The following ALDH1A3 variants were observed in gnomAD, a reference collection of about 807,000 sequenced individuals.
ALDH1A3 encodes aldehyde dehydrogenase 1 family member A3.
Under a neutral mutation model 57.5 loss-of-function variants are expected in ALDH1A3, and 28 were observed. The ratio of observed to expected loss-of-function variants is 0.49; its 90% confidence interval spans 0.36 to 0.67. The LOEUF is 0.67. Among genes scored for constraint, ALDH1A3 ranks in the 30% least tolerant of loss-of-function variants. ALDH1A3 has a pLI of 0.00. For missense variants in ALDH1A3, 507 were observed against 669.4 expected (o/e 0.76, Z 2.68); for synonymous variants, 281 against 264.8 (o/e 1.06, Z -0.59).
Position 100,879,922 on chromosome 15 carries a change from C to T in ALDH1A3, c.15C>T (p.Asn5=), listed in dbSNP as rs2041528054. The part of the protein sequence containing the change: MATA[N]GAVENGQPDR... Reference sequence around the variant, plus strand: ...GCGGAGGAGCCATGGCCACCGCTAACGGGGCCGTGGAAAACGGGCAGCCGG... The same window carrying T: ...GCGGAGGAGCCATGGCCACCGCTAATGGGGCCGTGGAAAACGGGCAGCCGG... The change falls in exon 1 of 13, where the codon AAC becomes AAT. Residue 5 remains asparagine, a synonymous_variant. Transcript: ENST00000329841. The T allele has an allele frequency of 8.2e-6, 12 of 1,462,298 alleles. No homozygotes were observed. Among genetic ancestry groups the T allele is most frequent in the South Asian group, 1.3e-5 (1 of 76,014 alleles). 90.6% of individuals were successfully genotyped at this position (1,462,298 alleles called of 1,614,324 possible). A position where few individuals can be genotyped will look rare whatever the true frequency, so the allele number is the denominator to read the frequency against.
chr15:100,907,415 C>A, intron 11 of ALDH1A3, 137 bp downstream of exon 11: 1 of 997,910 alleles, frequency 1.0e-6, no homozygotes, highest in Non-Finnish European at 1.4e-6. Context: ...TTCCTTCCAT[C>A]CTCATGACCA....
chr15:100,881,028 C>G (rs144580779), intron 1 of ALDH1A3: 1 of 152,328 alleles, frequency 6.6e-6, no homozygotes, highest in Non-Finnish European at 1.5e-5. Context: ...CCATAGCCCC[C>G]AACTCCAGCT....
rs562733389 is a variant in ALDH1A3 at position 100,887,203 on chromosome 15, A to G, written c.205-369A>G. On this transcript the variant is annotated intron_variant, in intron 2 of 12. Transcript: ENST00000329841. This position sits in a 1 kb window ranked among gnomAD's most constrained non-coding sequence, Gnocchi z 4.6. ...TGCTGCTGCTTGCAGCCTGTCTGCCAGCGGGACAATCTGCTGTTCTCTATA... is the reference window on the plus strand; with the variant it reads ...TGCTGCTGCTTGCAGCCTGTCTGCCGGCGGGACAATCTGCTGTTCTCTATA... 2.0e-5 allele frequency among the ~76,000 whole-genome samples: 3 copies of G among 152,370 alleles called. No homozygotes were observed. The East Asian group carries it at 5.8e-4, about 29-fold the overall frequency.
chr15:100,899,507 G>A (rs2041744772), intron 8 of ALDH1A3, among the ~76,000 whole-genome samples: 1 of 152,162 alleles, frequency 6.6e-6, no homozygotes, highest in African/African-American at 2.4e-5. Context: ...TCATCAGGGC[G>A]GTGCCAGTCC....
rs142377552 is a variant in ALDH1A3, at chr15:100,898,145, G to C, written c.843G>C (p.Leu281=). 7.4e-6 allele frequency: 12 copies of C among 1,612,948 alleles called. No individual in the cohort carries two copies. The highest frequency in any genetic ancestry group is 2.2e-5 in the East Asian group (1 of 44,870). ...RSNLKRVTLE[L]GGKNPCIVCA... is the part of the protein sequence containing the mutation. ...ATCTGAAGCGGGTGACGCTGGAGCTGGGGGGGAAGAACCCCTGCATCGTGT... is the reference window on the plus strand; with the variant it reads ...ATCTGAAGCGGGTGACGCTGGAGCTCGGGGGGAAGAACCCCTGCATCGTGT... The change falls in exon 8 of 13, where the codon CTG becomes CTC. Residue 281 remains leucine (L), a synonymous_variant. Coordinates refer to ENST00000329841, the MANE Select transcript of ALDH1A3 (RefSeq NM_000693.4).
intron 9 of ALDH1A3, among the ~76,000 whole-genome samples, 193 bp from the exon 10 acceptor site, chr15:100,905,330 C>T (rs1248725687): frequency 6.6e-6 from 1 of 152,196 alleles, no homozygotes; most frequent in East Asian, 1.9e-4. Context: ...CCCATCTCTC[C>T]CCTGCTCCAA....
rs1234761672 is a variant in ALDH1A3, at chr15:100,892,937, T to C, written c.476-8T>C. 1.9e-6 allele frequency: 3 copies of C among 1,613,784 alleles called. No individual in the cohort carries two copies. Among genetic ancestry groups the C allele is most frequent in the Non-Finnish European group, 2.5e-6 (3 of 1,179,874 alleles). On this transcript the variant is annotated splice_region_variant and splice_polypyrimidine_tract_variant and intron_variant, in intron 4 of 12. Coordinates refer to ENST00000329841, the MANE Select transcript of ALDH1A3 (RefSeq NM_000693.4). ...TGTGTCCTTCCCCACCATGTAACCCTCTTCCAGATGACAACGTCGTGTGCT... is the reference window on the plus strand; with the variant it reads ...TGTGTCCTTCCCCACCATGTAACCCCCTTCCAGATGACAACGTCGTGTGCT...
At chr15:100,890,992 A>G (rs1309951293) in intron 3 of ALDH1A3, among the ~76,000 whole-genome samples, 2 of 152,182 alleles carry the variant, frequency 1.3e-5, no homozygotes, top group African/African-American at 4.8e-5. Flanking sequence ...GGCAGAACAC[A>G]CACCCCAAGC....
intron 4 of ALDH1A3, 88 bp downstream of exon 4, chr15:100,892,727 A>G (rs1031694306): frequency 6.6e-7 from 1 of 1,513,574 alleles, no homozygotes; most frequent in Non-Finnish European, 8.9e-7. Context: ...CTGTTTCCCT[A>G]AGGCACCATT....
rs960944287 is a variant in ALDH1A3 at position 100,893,897 on chromosome 15, A to G, written c.538-57A>G. On this transcript the variant is annotated intron_variant, in intron 5 of 12. Coordinates refer to ENST00000329841, the MANE Select transcript of ALDH1A3 (RefSeq NM_000693.4). The surrounding 1 kb of genome is among the most constrained non-coding windows in gnomAD (Gnocchi z 4.8). ...CCTCCACAAAGGCATCGTTGAGCACATGGGACAGGGTAAGAGGGTGGATCT... is the reference window on the plus strand; with the variant it reads ...CCTCCACAAAGGCATCGTTGAGCACGTGGGACAGGGTAAGAGGGTGGATCT... The G allele has an allele frequency of 3.3e-5, 52 of 1,580,612 alleles. No individual in the cohort carries two copies. The highest frequency in any genetic ancestry group is 3.9e-5 in the Non-Finnish European group (45 of 1,165,886).
At chr15:100,905,494 A>G in intron 9 of ALDH1A3, 29 bp from the exon 10 acceptor site, 1 of 1,614,166 alleles carries the variant, frequency 6.2e-7, no homozygotes, top group Non-Finnish European at 8.5e-7. Context: ...GAAGGAAGCC[A>G]GGCTGTACTT....
In ALDH1A3 at chr15:100,893,917, G is replaced by A. The variant is rs370473175; in HGVS notation, c.538-37G>A. Reference sequence around the variant, plus strand: ...AGCACATGGGACAGGGTAAGAGGGTGGATCTGGGCCTCCAAAGCCCCTGTG... The same window carrying A: ...AGCACATGGGACAGGGTAAGAGGGTAGATCTGGGCCTCCAAAGCCCCTGTG... On this transcript the variant is annotated intron_variant, in intron 5 of 12. Coordinates refer to ENST00000329841, the MANE Select transcript of ALDH1A3 (RefSeq NM_000693.4). This position sits in a 1 kb window ranked among gnomAD's most constrained non-coding sequence, Gnocchi z 4.8. The A allele has an allele frequency of 5.0e-4, 802 of 1,608,606 alleles. 1 individual carries two copies. Among genetic ancestry groups the A allele is most frequent in the Non-Finnish European group, 6.2e-4 (726 of 1,177,610 alleles).
At chr15:100,885,456 C>T (rs758204329) in intron 2 of ALDH1A3, 85 bp downstream of exon 2, 35 of 1,011,852 alleles carry the variant, frequency 3.5e-5, no homozygotes, top group Non-Finnish European at 5.2e-5. Context: ...AGCTATAAGA[C>T]AGAACTGGCC....
intron 9 of ALDH1A3, among the ~76,000 whole-genome samples, chr15:100,902,451 C>G (rs939782403): frequency 6.6e-6 from 1 of 152,216 alleles, no homozygotes; most frequent in African/African-American, 2.4e-5. Flanking sequence ...CTAAATAGTC[C>G]TGTCTGTCTC....
chr15:100,900,408 C>T lies in ALDH1A3; in HGVS notation c.884-167C>T, dbSNP rs558514976. 2.0e-5 allele frequency among the ~76,000 whole-genome samples: 3 copies of T among 152,318 alleles called. No homozygotes were observed. The East Asian group carries it at 5.8e-4, about 29-fold the overall frequency. Reference sequence around the variant, plus strand: ...GGACCCCAAAATCCTTTCTCCCTTCCTCTCTATTTGGGAAAGTCTGCAAAC... The same window carrying T: ...GGACCCCAAAATCCTTTCTCCCTTCTTCTCTATTTGGGAAAGTCTGCAAAC... On this transcript the variant is annotated intron_variant, in intron 8 of 12. Coordinates refer to ENST00000329841, the MANE Select transcript of ALDH1A3 (RefSeq NM_000693.4).
rs538933495 is a variant in ALDH1A3 at position 100,892,954 on chromosome 15, T to C, written c.485T>C (p.Val162Ala). ...QGKTIPTDDN[V>A]VCFTRHEPIG... is the part of the protein sequence containing the mutation. The stretch of plus-strand genomic sequence containing the variant: ...TGTAACCCTCTTCCAGATGACAACG[T>C]CGTGTGCTTCACCAGGCATGAGCCC... Residue 162 changes from valine (V) to alanine (A), a missense_variant, in exon 5 of 13, where the codon GTC (valine) becomes GCC (alanine). Val to Ala is a moderately conservative substitution (Grantham distance 64). Around this residue, in one of 2 missense-constraint regions of ALDH1A3, gnomAD observed 432 missense variants for 608.4 expected, o/e 0.71. Transcript: ENST00000329841. 2 of 1,614,110 alleles carry C rather than the reference T, an allele frequency of 1.2e-6. No homozygotes were observed. Among genetic ancestry groups the C allele is most frequent in the Middle Eastern group, 1.7e-4 (1 of 6,060 alleles).
chr15:100,896,181 G>GA (rs1434380818), intron 7 of ALDH1A3, 135 bp downstream of exon 7: 1 of 655,582 alleles, frequency 1.5e-6, no homozygotes, highest in East Asian at 2.8e-5. Flanking sequence ...ATAACAACCA[G>GA]TTAAAAAAAG....
chr15:100,916,188 C>T lies in ALDH1A3; in HGVS notation c.*1415C>T, dbSNP rs2041928507. On this transcript the variant is annotated 3_prime_UTR_variant, in exon 13 of 13. Transcript: ENST00000329841. ...CACCCTTGTCAGAGATATAAATTACCACATTTGCCTTCCCTTCATCAGCTA... is the reference window on the plus strand; with the variant it reads ...CACCCTTGTCAGAGATATAAATTACTACATTTGCCTTCCCTTCATCAGCTA... 2.0e-5 allele frequency: 3 copies of T among 152,144 alleles called. No homozygotes were observed. Among genetic ancestry groups the T allele is most frequent in the African/African-American group, 7.2e-5 (3 of 41,416 alleles). 9.4% of individuals were successfully genotyped at this position (152,144 alleles called of 1,614,324 possible).
At chr15:100,908,165 C>T (rs1485899200) in intron 11 of ALDH1A3, among the ~76,000 whole-genome samples, 1 of 151,996 alleles carries the variant, frequency 6.6e-6, no homozygotes, top group African/African-American at 2.4e-5. Flanking sequence ...TCTTTTTTCT[C>T]CCCTTATCAT....
Sources: gnomAD v4.1 joint callset for allele counts (sites outside exome capture counted in the v4.1 genomes callset) on GRCh38, gnomAD v4.1.1 for gene constraint, gnomAD v4.1.1 regional missense constraint, Gnocchi (gnomAD v3.1) non-coding constraint, MANE v1.5 for transcripts, NCBI Gene and HGNC (gene_info 2026-07-23, HGNC 2026-07-21) for gene names.